Variants in FNDC3A observed in about 807,000 individuals in gnomAD.
FNDC3A encodes the protein fibronectin type III domain containing 3A.
Under a neutral mutation model 148.9 loss-of-function variants are expected in FNDC3A, and 32 were observed. That is an observed-to-expected ratio of 0.21 (90% confidence interval 0.16 to 0.29). The LOEUF (loss-of-function observed/expected upper bound fraction) is 0.29. Ranked by LOEUF, FNDC3A falls within the 10% of genes least tolerant of loss-of-function variation. FNDC3A has a pLI of 1.00. For synonymous variants in FNDC3A, 472 were observed against 473.6 expected (o/e 1.00, Z 0.04); for missense variants, 1,191 against 1,452.8 (o/e 0.82, Z 2.93).
intron 2 of FNDC3A, among the ~76,000 whole-genome samples, chr13:49,032,660 C>T (rs1025554278): frequency 1.3e-5 from 2 of 151,912 alleles, no homozygotes; most frequent in South Asian, 2.1e-4. Context: ...GGCGTGAACC[C>T]GGGAGGCGGA....
chr13:49,145,959 C>T, intron 8 of FNDC3A, 24 bp downstream of exon 8: 1 of 1,567,586 alleles, frequency 6.4e-7, no homozygotes, highest in Non-Finnish European at 8.7e-7. Context: ...GTTTTGCTTT[C>T]TCCCATTGTG....
intron 8 of FNDC3A, among the ~76,000 whole-genome samples, chr13:49,154,144 C>T (rs1447674204): frequency 7.5e-5 from 11 of 146,202 alleles, no homozygotes; most frequent in African/African-American, 2.8e-4. Context: ...ATTCTTCCTA[C>T]CCATGAGCAT....
intron 2 of FNDC3A, among the ~76,000 whole-genome samples, chr13:49,035,724 C>G (rs1339102717): frequency 1.3e-5 from 2 of 152,026 alleles, no homozygotes; most frequent in Non-Finnish European, 2.9e-5. Context: ...CCCAGCTCTT[C>G]AAAGAGTGCC....
intron 2 of FNDC3A, among the ~76,000 whole-genome samples, chr13:49,067,048 A>G (rs1877314810): frequency 6.6e-6 from 1 of 152,176 alleles, no homozygotes; most frequent in Non-Finnish European, 1.5e-5. Context: ...GTGGCTTATA[A>G]TAGACATGAC....
rs942225888 is a variant in FNDC3A at position 49,039,361 on chromosome 13, G to A, written c.99+33072G>A. ...ACTTAGCTCTAACTTTTCCCAAGCT[G>A]TAGGCTCTGTTTGTTTAGAGGTTCC... On this transcript the variant is annotated intron_variant, in intron 2 of 25. Transcript: ENST00000492622. Among the ~76,000 whole-genome samples the A allele has an allele frequency of 8.5e-5, 13 of 152,240 alleles. No homozygotes were observed. In the East Asian group the frequency reaches 9.6e-4, roughly 11 times the overall value.
At chr13:49,197,959 T>G in intron 21 of FNDC3A, 23 bp from the exon 22 acceptor site, 1 of 1,601,350 alleles carries the variant, frequency 6.2e-7, no homozygotes, top group Non-Finnish European at 8.5e-7. Flanking sequence ...CTTTGTTAAC[T>G]CGGAGGCTCT....
At chr13:49,162,904 C>T (rs1243746497) in intron 8 of FNDC3A, among the ~76,000 whole-genome samples, 1 of 16,196 alleles carries the variant, frequency 6.2e-5, no homozygotes, top group African/African-American at 3.0e-4. Flanking sequence ...GCTGGAGGTC[C>T]ACTCCAGACC....
rs141137652 is a variant in FNDC3A, at chr13:48,987,114, A to G, written c.-40+10937A>G. The stretch of plus-strand genomic sequence containing the variant: ...AAAGTTAACAATCTATAATATAAAA[A>G]CTAAAGTTTTATATAATACTTCTAA... On this transcript the variant is annotated intron_variant, in intron 1 of 25. Coordinates refer to ENST00000492622, the MANE Select transcript of FNDC3A (RefSeq NM_001079673.2). Among the ~76,000 whole-genome samples, 329 of 152,354 alleles carry G rather than the reference A, an allele frequency of 2.2e-3. 1 individual carries two copies. The highest frequency in any genetic ancestry group is 2.1e-3 in the Non-Finnish European group (143 of 68,040).
At chr13:49,174,032 G>T (rs1023055596) in intron 11 of FNDC3A, among the ~76,000 whole-genome samples, 10 of 152,020 alleles carry the variant, frequency 6.6e-5, no homozygotes, top group African/African-American at 2.4e-4. Context: ...CATGGGTAAG[G>T]ACCTTTTCTT....
chr13:49,014,632 G>C (rs1593471626), intron 2 of FNDC3A, among the ~76,000 whole-genome samples: 1 of 150,944 alleles, frequency 6.6e-6, no homozygotes, highest in Non-Finnish European at 1.5e-5. Flanking sequence ...TTTGGCTTTT[G>C]TTGCCATTGC....
At chr13:49,108,859 A>G (rs1207940270) in intron 3 of FNDC3A, among the ~76,000 whole-genome samples, 3 of 152,122 alleles carry the variant, frequency 2.0e-5, no homozygotes, top group Non-Finnish European at 4.4e-5. Flanking sequence ...TGAAGTTAAC[A>G]ATTACCTTTC....
chr13:49,122,450 G>T (rs1364774435), intron 4 of FNDC3A, among the ~76,000 whole-genome samples: 1 of 152,206 alleles, frequency 6.6e-6, no homozygotes, highest in African/African-American at 2.4e-5. Flanking sequence ...AGACAAGGAT[G>T]CCCTCTCTCA....
At chr13:49,123,997 A>G (rs1881533088) in intron 4 of FNDC3A, among the ~76,000 whole-genome samples, 1 of 152,236 alleles carries the variant, frequency 6.6e-6, no homozygotes, top group African/African-American at 2.4e-5. Flanking sequence ...ATTACTGGGT[A>G]TATAGCCAAA....
At chr13:49,087,412 A>G (rs907739794) in intron 3 of FNDC3A, among the ~76,000 whole-genome samples, 1 of 152,126 alleles carries the variant, frequency 6.6e-6, no homozygotes, top group African/African-American at 2.4e-5. Flanking sequence ...ACAAAATGCT[A>G]TTTTATTACG....
chr13:49,013,683 G>T (rs546594000), intron 2 of FNDC3A, among the ~76,000 whole-genome samples: 17 of 150,458 alleles, frequency 1.1e-4, no homozygotes, highest in African/African-American at 4.1e-4. Flanking sequence ...TGCCATGCTG[G>T]TGCGCTGCAC....
At chr13:49,116,447 T>C (rs192835273) in intron 4 of FNDC3A, among the ~76,000 whole-genome samples, 258 of 152,312 alleles carry the variant, frequency 1.7e-3, no homozygotes, top group Non-Finnish European at 3.4e-3. Flanking sequence ...CAAAGACTCA[T>C]GCCGCTCTGT....
chr13:49,023,841 T>G (rs1873504156), intron 2 of FNDC3A, among the ~76,000 whole-genome samples: 1 of 151,940 alleles, frequency 6.6e-6, no homozygotes, highest in Non-Finnish European at 1.5e-5. Flanking sequence ...CAAGATGATT[T>G]TTGTCAAAAA....
intron 3 of FNDC3A, among the ~76,000 whole-genome samples, chr13:49,106,980 A>G (rs956023473): frequency 6.6e-6 from 1 of 152,162 alleles, no homozygotes; most frequent in Non-Finnish European, 1.5e-5. Context: ...TTATTTTTAA[A>G]AGAAAGGTAA....
chr13:49,042,789 T>A (rs1375603432), intron 2 of FNDC3A, among the ~76,000 whole-genome samples: 1 of 152,082 alleles, frequency 6.6e-6, no homozygotes, highest in Non-Finnish European at 1.5e-5. Context: ...AAATTAATTG[T>A]TGTTGTAAGT....
Sources: allele counts gnomAD v4.1 joint callset (sites outside exome capture counted in the v4.1 genomes callset), GRCh38; gene constraint gnomAD v4.1.1; transcripts MANE v1.5; gene names NCBI Gene and HGNC (gene_info 2026-07-23, HGNC 2026-07-21).